MED1: variants seen among roughly 807,000 people sequenced by gnomAD.
MED1 encodes the protein mediator of RNA polymerase II transcription subunit 1.
MED1 carries 17 observed loss-of-function variants against 121.3 expected under a neutral mutation model. That is an observed-to-expected ratio of 0.14 (90% CI 0.10 to 0.21). The LOEUF is 0.21. Ranked by LOEUF, MED1 falls within the 10% of genes least tolerant of loss-of-function variation. The pLI is 1.00. For missense variants in MED1, 1,558 were observed against 1,919.4 expected (o/e 0.81, Z 3.52); for synonymous variants, 661 against 694.4 (o/e 0.95, Z 0.76).
intron 7 of MED1, among the ~76,000 whole-genome samples, chr17:39,433,585 G>A (rs1383556198): frequency 2.8e-5 from 4 of 144,062 alleles, no homozygotes; most frequent in South Asian, 2.2e-4. Context: ...ACAGCATCTC[G>A]CTCTGTCAAC....
intron 1 of MED1, 102 bp downstream of exon 1, chr17:39,450,936 T>C (rs2048776369): frequency 1.0e-6 from 1 of 961,752 alleles, no homozygotes; most frequent in South Asian, 1.5e-5. Context: ...CTGGACTCTA[T>C]GCCCCTAAAG....
intron 6 of MED1, among the ~76,000 whole-genome samples, chr17:39,434,991 C>T (rs1281880307): frequency 1.3e-5 from 2 of 151,932 alleles, no homozygotes; most frequent in African/African-American, 4.8e-5. Flanking sequence ...TGGTGAAACC[C>T]CATCTCTATT....
In MED1 at chr17:39,415,064, C is replaced by T; in HGVS notation, c.1461G>A (p.Leu487=). ...TGGCAATGAAGTCATCTGTGCAGAT[C>T]AGTGCATCCGACAGCCCTTTGTAGA... ...CKLYKGLSDA[L]ICTDDFIAKV... Residue 487 remains leucine, a synonymous_variant, in exon 16 of 17, where the codon CTG becomes CTA. Transcript: ENST00000300651. The T allele has an allele frequency of 6.2e-7, 1 of 1,614,148 alleles. No homozygotes were observed. Among genetic ancestry groups the T allele is most frequent in the Non-Finnish European group, 8.5e-7 (1 of 1,180,006 alleles).
At chr17:39,435,964 C>T (rs1348435106) in intron 6 of MED1, among the ~76,000 whole-genome samples, 1 of 152,032 alleles carries the variant, frequency 6.6e-6, no homozygotes, top group African/African-American at 2.4e-5. Context: ...CCCAGCTACT[C>T]AGGAGGCTAA....
At chr17:39,443,777 C>G in intron 2 of MED1, 149 bp from the exon 3 acceptor site, 1 of 611,812 alleles carries the variant, frequency 1.6e-6, no homozygotes. Flanking sequence ...TAGAGTAACA[C>G]TGGTCTACAA....
At chr17:39,427,597 C>T (rs1490564132) in intron 10 of MED1, 104 bp downstream of exon 10, 2 of 755,872 alleles carry the variant, frequency 2.6e-6, no homozygotes, top group Non-Finnish European at 4.4e-6. Context: ...GTATAAGGTG[C>T]AAATGGTAAG....
At chr17:39,443,772 T>C (rs1458134809) in intron 2 of MED1, 144 bp from the exon 3 acceptor site, 1 of 627,594 alleles carries the variant, frequency 1.6e-6, no homozygotes, top group Non-Finnish European at 2.8e-6. Context: ...CTATATAGAG[T>C]AACACTGGTC....
chr17:39,410,445 C>T lies in MED1; in HGVS notation c.1776G>A (p.Gly592=), dbSNP rs1478823305. 1 of 1,613,904 alleles carries T rather than the reference C, an allele frequency of 6.2e-7. No homozygotes were observed. Reference sequence around the variant, plus strand: ...TCTGAGACACCTTGCTGAAGTCCTCCCCATGGCCCACCGACTCATGCCGAT... The same window carrying T: ...TCTGAGACACCTTGCTGAAGTCCTCTCCATGGCCCACCGACTCATGCCGAT... ...IKDRHESVGH[G]EDFSKVSQNP... Residue 592 remains glycine, a synonymous_variant, in exon 17 of 17, where the codon GGG becomes GGA. Coordinates refer to ENST00000300651, the MANE Select transcript of MED1 (RefSeq NM_004774.4).
At chr17:39,416,631 C>T (rs1040624280) in intron 14 of MED1, among the ~76,000 whole-genome samples, 1 of 152,140 alleles carries the variant, frequency 6.6e-6, no homozygotes, top group Non-Finnish European at 1.5e-5. Context: ...CATATATGCT[C>T]TATGTTATTA....
intron 13 of MED1, among the ~76,000 whole-genome samples, chr17:39,421,769 A>G (rs146064096): frequency 6.6e-6 from 1 of 152,206 alleles, no homozygotes; most frequent in African/African-American, 2.4e-5. Flanking sequence ...GGCACTTGAA[A>G]GAATTAAACA....
chr17:39,424,973 G>T (rs1314502557), intron 10 of MED1, among the ~76,000 whole-genome samples: 2 of 151,864 alleles, frequency 1.3e-5, no homozygotes, highest in South Asian at 4.1e-4. Context: ...TCCACCTCCT[G>T]GGTTCACACC....
At chr17:39,414,813 G>GCA (rs2048392640) in intron 16 of MED1, among the ~76,000 whole-genome samples, 1 of 151,754 alleles carries the variant, frequency 6.6e-6, no homozygotes, top group African/African-American at 2.4e-5. Context: ...GGTACTACAT[G>GCA]TGCCCGCCAT....
In MED1 at chr17:39,443,620, C is replaced by T; in HGVS notation, c.141G>A (p.Arg47=). 6.2e-7 allele frequency: 1 copy of T among 1,613,692 alleles called. No homozygotes were observed. The change falls in exon 3 of 17, where the codon AGG becomes AGA. Residue 47 remains arginine (R), a synonymous_variant. Coordinates refer to ENST00000300651, the MANE Select transcript of MED1 (RefSeq NM_004774.4). ...GATGCCCTCCAGAACTCATCACAAC[C>T]CTCTTCTCCTGTGTCAAGTGGGAAA... ...IKLVRQVMEK[R]VVMSSGGHQH...
intron 14 of MED1, among the ~76,000 whole-genome samples, chr17:39,416,007 A>C (rs527643424): frequency 1.3e-5 from 2 of 150,482 alleles, no homozygotes; most frequent in East Asian, 3.9e-4. Flanking sequence ...AAAAAAAAAG[A>C]CTTCACACAA....
At chr17:39,415,976 C>G (rs1350145603) in intron 14 of MED1, among the ~76,000 whole-genome samples, 2 of 144,308 alleles carry the variant, frequency 1.4e-5, no homozygotes, top group African/African-American at 5.2e-5. Flanking sequence ...GGAAACAGAG[C>G]AACACTCTGT....
Position 39,410,189 on chromosome 17 carries a change from T to C in MED1, c.2032A>G (p.Met678Val). 3 of 1,614,116 alleles carry C rather than the reference T, an allele frequency of 1.9e-6. No individual in the cohort carries two copies. Among genetic ancestry groups the C allele is most frequent in the African/African-American group, 1.3e-5 (1 of 75,018 alleles). The change falls in exon 17 of 17, where the codon ATG (methionine) becomes GTG (valine). Residue 678 changes from methionine to valine, a missense_variant. Physicochemically the swap from Met to Val is conservative, Grantham distance 21. Coordinates refer to ENST00000300651, the MANE Select transcript of MED1 (RefSeq NM_004774.4). ...TTGTTGCTCCCCGAGCATATTTCCA[T>C]GCGGGGTGAGCCGGAAGAGGAGTTC... is the stretch of plus-strand genomic sequence containing the variant. ...RQNSSSGSPR[M>V]EICSGSNKTK...
At chr17:39,420,384 G>A (rs1395653341) in intron 13 of MED1, among the ~76,000 whole-genome samples, 2 of 151,512 alleles carry the variant, frequency 1.3e-5, no homozygotes, top group Non-Finnish European at 2.9e-5. Flanking sequence ...TGTATTTTTA[G>A]TAGAGACAGT....
intron 7 of MED1, 34 bp from the exon 8 acceptor site, chr17:39,432,050 GT>G (rs2048569679): frequency 3.3e-6 from 5 of 1,519,244 alleles, no homozygotes; most frequent in East Asian, 2.3e-5. Context: ...TGAGTTAATA[GT>G]TGAAAAATAT....
At chr17:39,428,083 C>G (rs2048531657) in intron 9 of MED1, among the ~76,000 whole-genome samples, 1 of 152,034 alleles carries the variant, frequency 6.6e-6, no homozygotes, top group Non-Finnish European at 1.5e-5. Flanking sequence ...GGCGCGATGG[C>G]TAATGCCTGT....
Sources: allele counts gnomAD v4.1 joint callset (sites outside exome capture counted in the v4.1 genomes callset), GRCh38; gene constraint gnomAD v4.1.1; transcripts MANE v1.5; gene names NCBI Gene and HGNC (gene_info 2026-07-23, HGNC 2026-07-21).